The following DRC11 variants were observed in gnomAD, a reference collection of about 807,000 sequenced individuals.
The protein encoded by DRC11 is IQ and AAA domain-containing protein 1.
chr2:236,478,284 C>A, the DRC11 span, among the ~76,000 whole-genome samples: 1 of 152,088 alleles, frequency 6.6e-6, no homozygotes, highest in Non-Finnish European at 1.5e-5. This position sits in a 1 kb window ranked among gnomAD's most constrained non-coding sequence, Gnocchi z 5.9. Flanking sequence ...AAATTTTCCT[C>A]TTAATTTCTT....
At chr2:236,413,502 T>G in the DRC11 span, among the ~76,000 whole-genome samples, 1 of 152,202 alleles carries the variant, frequency 6.6e-6, no homozygotes, top group Non-Finnish European at 1.5e-5. The surrounding 1 kb of genome is among the most constrained non-coding windows in gnomAD (Gnocchi z 4.0). Flanking sequence ...TCATGCAAAA[T>G]TTGGTTTGAA....
the DRC11 span, among the ~76,000 whole-genome samples, chr2:236,430,244 GTGT>G: frequency 1.4e-3 from 214 of 152,156 alleles, 2 homozygotes; most frequent in African/African-American, 3.4e-3. This position sits in a 1 kb window ranked among gnomAD's most constrained non-coding sequence, Gnocchi z 6.0. Context: ...TGGCATTGTT[GTGT>G]TATGTTTGCC....
At chr2:236,345,687 AATT>A in the DRC11 span, among the ~76,000 whole-genome samples, 1 of 152,172 alleles carries the variant, frequency 6.6e-6, no homozygotes, top group Non-Finnish European at 1.5e-5. Flanking sequence ...GCCCATGAAT[AATT>A]GCTGTACACC....
chr2:236,486,259 T>C, the DRC11 span, among the ~76,000 whole-genome samples: 1,505 of 152,256 alleles, frequency 9.9e-3, 35 homozygotes, highest in African/African-American at 0.034. The surrounding 1 kb of genome is among the most constrained non-coding windows in gnomAD (Gnocchi z 5.7). Flanking sequence ...TGATCCTCAG[T>C]TGAGACCTCA....
At chr2:236,443,026 C>T in the DRC11 span, among the ~76,000 whole-genome samples, 1 of 152,274 alleles carries the variant, frequency 6.6e-6, no homozygotes, top group African/African-American at 2.4e-5. The surrounding 1 kb of genome is among the most constrained non-coding windows in gnomAD (Gnocchi z 4.4). Context: ...AGACAATCTT[C>T]ACGTTTTGGT....
the DRC11 span, among the ~76,000 whole-genome samples, chr2:236,354,195 T>C: frequency 1.2e-5 from 1 of 84,964 alleles, no homozygotes; most frequent in East Asian, 2.4e-4. Context: ...GTGGTCAATG[T>C]GTGTGTGTGT....
the DRC11 span, among the ~76,000 whole-genome samples, chr2:236,330,805 A>G: frequency 2.0e-5 from 3 of 152,326 alleles, no homozygotes; most frequent in Non-Finnish European, 4.4e-5. The surrounding 1 kb of genome is among the most constrained non-coding windows in gnomAD (Gnocchi z 5.5). Flanking sequence ...GGGCACTCCT[A>G]TAAGAGAGGG....
chr2:236,361,362 TGACAGA>T, the DRC11 span, among the ~76,000 whole-genome samples: 3 of 152,134 alleles, frequency 2.0e-5, no homozygotes, highest in South Asian at 4.1e-4. This position sits in a 1 kb window ranked among gnomAD's most constrained non-coding sequence, Gnocchi z 5.7. Flanking sequence ...AAACTTAACT[TGACAGA>T]GACAAAGAGA....
the DRC11 span, among the ~76,000 whole-genome samples, chr2:236,461,389 T>A: frequency 6.6e-6 from 1 of 152,224 alleles, no homozygotes; most frequent in Admixed American, 6.5e-5. The surrounding 1 kb of genome is among the most constrained non-coding windows in gnomAD (Gnocchi z 4.0). Context: ...AAGATTTAAT[T>A]CTTTTGAAAC....
chr2:236,404,979 T>A, the DRC11 span, among the ~76,000 whole-genome samples: 1 of 152,006 alleles, frequency 6.6e-6, no homozygotes, highest in Admixed American at 6.5e-5. Context: ...CTCTCTGGGG[T>A]CTCTTTCACA....
At chr2:236,476,893 C>A in the DRC11 span, among the ~76,000 whole-genome samples, 1 of 152,140 alleles carries the variant, frequency 6.6e-6, no homozygotes, top group Admixed American at 6.6e-5. The surrounding 1 kb of genome is among the most constrained non-coding windows in gnomAD (Gnocchi z 4.7). Flanking sequence ...TTGATGCTCT[C>A]CCTCCACCGG....
the DRC11 span, among the ~76,000 whole-genome samples, chr2:236,477,239 A>G: frequency 6.6e-6 from 1 of 152,342 alleles, no homozygotes; most frequent in Non-Finnish European, 1.5e-5. Flanking sequence ...TAACTGGTTG[A>G]TCAGATGCCT....
chr2:236,356,969 T>TATATTATATATTCATATAGTATATATCTA, the DRC11 span, among the ~76,000 whole-genome samples: 2 of 88,916 alleles, frequency 2.2e-5, no homozygotes, highest in African/African-American at 9.1e-5. Context: ...AATATATATA[T>TATATTATATATTCATATAGTATATATCTA]TATATATTCA....
At chr2:236,426,050 T>C in the DRC11 span, among the ~76,000 whole-genome samples, 1 of 152,056 alleles carries the variant, frequency 6.6e-6, no homozygotes, top group African/African-American at 2.4e-5. The surrounding 1 kb of genome is among the most constrained non-coding windows in gnomAD (Gnocchi z 4.1). Flanking sequence ...GTAATATATT[T>C]GGAAATCAGG....
the DRC11 span, among the ~76,000 whole-genome samples, chr2:236,485,628 A>C: frequency 1.3e-5 from 2 of 152,214 alleles, no homozygotes; most frequent in Non-Finnish European, 2.9e-5. Context: ...AGCTTTGCAA[A>C]GAATTGGCTT....
chr2:236,452,974 G>T, the DRC11 span, among the ~76,000 whole-genome samples: 1 of 152,268 alleles, frequency 6.6e-6, no homozygotes, highest in Non-Finnish European at 1.5e-5. The surrounding 1 kb of genome is among the most constrained non-coding windows in gnomAD (Gnocchi z 4.7). Flanking sequence ...ATATTTACTT[G>T]TGTAGAAAAA....
At chr2:236,489,198 T>C in the DRC11 span, among the ~76,000 whole-genome samples, 1 of 128,346 alleles carries the variant, frequency 7.8e-6, no homozygotes, top group Non-Finnish European at 1.6e-5. Context: ...TGCTGGGGCC[T>C]GTATGAGCTC....
the DRC11 span, among the ~76,000 whole-genome samples, chr2:236,451,374 T>TAGAG: frequency 6.6e-6 from 1 of 151,500 alleles, no homozygotes; most frequent in African/African-American, 2.4e-5. Context: ...TATATATATA[T>TAGAG]ATAGATATAT....
At chr2:236,455,113 T>C in the DRC11 span, 3 of 152,312 alleles carry the variant, frequency 2.0e-5, no homozygotes, top group East Asian at 1.9e-4. This position sits in a 1 kb window ranked among gnomAD's most constrained non-coding sequence, Gnocchi z 5.7. Context: ...AGGTGGCACA[T>C]AGTGAGCTGC....
Sources: allele counts gnomAD v4.1 joint callset (sites outside exome capture counted in the v4.1 genomes callset), GRCh38; gene constraint gnomAD v4.1.1; non-coding constraint Gnocchi (gnomAD v3.1); transcripts MANE v1.5; gene names NCBI Gene and HGNC (gene_info 2026-07-23, HGNC 2026-07-21).